CNTN4: variants seen among roughly 807,000 people sequenced by gnomAD.
CNTN4 encodes contactin-4.
Under a neutral mutation model 122.5 loss-of-function variants are expected in CNTN4, and 77 were observed. That is an observed-to-expected ratio of 0.63 (90% CI 0.52 to 0.76). CNTN4 has a LOEUF of 0.76. Ranked by LOEUF, CNTN4 falls within the 30% of genes least tolerant of loss-of-function variation. The probability of loss-of-function intolerance (pLI) is 0.00; values close to 1 mark genes in which losing one functional copy is unlikely to be tolerated. For synonymous variants in CNTN4, 512 were observed against 447.0 expected, an observed-to-expected ratio of 1.15 and a Z score of -1.83; for missense variants, 1,256 against 1,259.1, an observed-to-expected ratio of 1.00 and a Z score of 0.04.
At chr3:3,026,366 C>A in intron 15 of CNTN4, 89 bp downstream of exon 15, 1 of 1,165,110 alleles carries the variant, frequency 8.6e-7, no homozygotes, top group Non-Finnish European at 1.3e-6. Context: ...GAATTTTGTT[C>A]AAGTAATCTT....
intron 2 of CNTN4, among the ~76,000 whole-genome samples, chr3:2,117,909 T>G (rs911949306): frequency 3.9e-5 from 6 of 152,222 alleles, no homozygotes; most frequent in Admixed American, 3.9e-4. Context: ...GTGGTTTTAC[T>G]CAACTTACAT....
chr3:2,407,959 G>C (rs551521400), intron 3 of CNTN4, among the ~76,000 whole-genome samples: 1 of 152,122 alleles, frequency 6.6e-6, no homozygotes, highest in South Asian at 2.1e-4. Context: ...TTAAATACTT[G>C]TGACATATTT....
intron 2 of CNTN4, among the ~76,000 whole-genome samples, chr3:2,126,756 T>C (rs770633486): frequency 5.3e-5 from 8 of 152,216 alleles, no homozygotes; most frequent in Non-Finnish European, 8.8e-5. Flanking sequence ...ACTTTAAATG[T>C]GCTTTGGCCT....
intron 7 of CNTN4, among the ~76,000 whole-genome samples, chr3:2,849,168 A>G (rs190412245): frequency 6.0e-4 from 92 of 152,348 alleles, no homozygotes; most frequent in African/African-American, 2.2e-3. Context: ...TGATTCTCCT[A>G]AAACTGTATC....
intron 12 of CNTN4, among the ~76,000 whole-genome samples, chr3:2,917,125 C>T (rs1359856735): frequency 7.2e-6 from 1 of 138,504 alleles, no homozygotes; most frequent in Non-Finnish European, 1.6e-5. Context: ...CACGGCGAAA[C>T]CCCGTCTCCA....
intron 3 of CNTN4, among the ~76,000 whole-genome samples, chr3:2,399,326 T>A (rs1421438036): frequency 2.6e-5 from 4 of 152,102 alleles, no homozygotes; most frequent in Non-Finnish European, 4.4e-5. Context: ...TTTGCCCCTG[T>A]AAGTTTGAGC....
At chr3:2,294,890 A>G (rs1379858607) in intron 2 of CNTN4, among the ~76,000 whole-genome samples, 1 of 150,770 alleles carries the variant, frequency 6.6e-6, no homozygotes, top group Non-Finnish European at 1.5e-5. Flanking sequence ...ACGTGTTCTC[A>G]TTGTTCAATT....
rs2039785172 is a variant in CNTN4, at chr3:2,238,756, C to CTTGG, written c.-144-100421_-144-100420insTGGT. On this transcript the variant is annotated intron_variant, in intron 2 of 24. Coordinates refer to ENST00000418658, the MANE Select transcript of CNTN4 (RefSeq NM_175607.3). ...CTGTGTTTTTTTTTTGAGACGGAGT[C>CTTGG]TGGCCCTGTCGCCCAGGCTGGAGTG... 9 of 58,356 alleles carry CTTGG rather than the reference C, an allele frequency of 1.5e-4. 2 individuals carry two copies. The highest frequency in any genetic ancestry group is 3.4e-4 in the African/African-American group (7 of 20,294). 3.6% of individuals were successfully genotyped at this position (58,356 alleles called of 1,614,324 possible). A position where few individuals can be genotyped will look rare whatever the true frequency, so the allele number is the denominator to read the frequency against.
chr3:2,416,180 A>G (rs2047404964), intron 3 of CNTN4, among the ~76,000 whole-genome samples: 1 of 152,134 alleles, frequency 6.6e-6, no homozygotes. Flanking sequence ...AATAAGTTAT[A>G]AGCTTATTTC....
intron 4 of CNTN4, among the ~76,000 whole-genome samples, chr3:2,727,313 C>T (rs749279207): frequency 1.3e-5 from 2 of 152,228 alleles, no homozygotes; most frequent in African/African-American, 2.4e-5. Flanking sequence ...TGCAGCAAAG[C>T]ATATGAATAT....
At chr3:2,819,067 A>G (rs1169532595) in intron 6 of CNTN4, among the ~76,000 whole-genome samples, 1 of 152,258 alleles carries the variant, frequency 6.6e-6, no homozygotes, top group Admixed American at 6.5e-5. Flanking sequence ...AGGTCACTTA[A>G]CATCTTTAAA....
At chr3:2,432,388 C>CA (rs2048106426) in intron 3 of CNTN4, among the ~76,000 whole-genome samples, 1 of 151,972 alleles carries the variant, frequency 6.6e-6, no homozygotes, top group Non-Finnish European at 1.5e-5. Flanking sequence ...TTAATAGTCA[C>CA]AAAAAGTGAT....
intron 13 of CNTN4, among the ~76,000 whole-genome samples, chr3:2,936,253 C>T (rs577470870): frequency 2.6e-5 from 4 of 152,284 alleles, no homozygotes; most frequent in Admixed American, 2.6e-4. Context: ...TTTCTCCATT[C>T]CTAGAGCAAA....
chr3:3,016,864 C>G (rs1697806200), intron 14 of CNTN4, among the ~76,000 whole-genome samples: 2 of 152,164 alleles, frequency 1.3e-5, no homozygotes, highest in South Asian at 4.1e-4. Context: ...AGTAAGCATT[C>G]CACTCAGGGG....
chr3:2,842,258 A>G (rs897317936), intron 7 of CNTN4, among the ~76,000 whole-genome samples: 2 of 152,160 alleles, frequency 1.3e-5, no homozygotes, highest in Non-Finnish European at 2.9e-5. Flanking sequence ...AGTAAGAGAT[A>G]TTGGTGTCTT....
chr3:2,600,008 CTTTTTTTTTTTT>C (rs71058630), intron 4 of CNTN4, among the ~76,000 whole-genome samples: 479 of 41,788 alleles, frequency 0.011, 27 homozygotes, highest in Non-Finnish European at 0.01. Flanking sequence ...TGGAATTCTT[CTTTTTTTTTTTT>C]TTTTTTTTTT....
At chr3:2,870,493 A>C (rs183637188) in intron 8 of CNTN4, among the ~76,000 whole-genome samples, 1 of 152,346 alleles carries the variant, frequency 6.6e-6, no homozygotes, top group Non-Finnish European at 1.5e-5. Context: ...AATCAAGAAG[A>C]GATTGCAAAA....
chr3:2,631,403 A>G lies in CNTN4; in HGVS notation c.55+59845A>G, dbSNP rs77875346. ...CATATGTAGTAGAAGAAGAAAGCAA[A>G]TTTGACATTAAAAACAACACATAAT... On this transcript the variant is annotated intron_variant, in intron 4 of 24. Coordinates refer to ENST00000418658, the MANE Select transcript of CNTN4 (RefSeq NM_175607.3). Among the ~76,000 whole-genome samples the G allele has an allele frequency of 3.0e-4, 45 of 152,258 alleles. No homozygotes were observed. In the East Asian group the frequency reaches 8.7e-3, roughly 29 times the overall value.
intron 6 of CNTN4, among the ~76,000 whole-genome samples, chr3:2,747,898 C>G (rs547327669): frequency 1.3e-5 from 2 of 152,118 alleles, no homozygotes; most frequent in African/African-American, 4.8e-5. Context: ...TAAAATTGAG[C>G]CAAATATCTC....
Sources: allele counts gnomAD v4.1 joint callset (sites outside exome capture counted in the v4.1 genomes callset), GRCh38; gene constraint gnomAD v4.1.1; transcripts MANE v1.5; gene names NCBI Gene and HGNC (gene_info 2026-07-23, HGNC 2026-07-21).